Variants in TRABD observed in about 807,000 individuals in gnomAD.
The protein encoded by TRABD is TraB domain containing, also known as traB domain-containing protein.
TRABD carries 23 observed loss-of-function variants against 39.6 expected under a neutral mutation model. The ratio of observed to expected loss-of-function variants is 0.58; its 90% CI spans 0.42 to 0.82. TRABD has a LOEUF of 0.82. Ranked by LOEUF, TRABD falls within the 40% of genes least tolerant of loss-of-function variation. TRABD has a pLI of 0.00. For missense variants in TRABD, 487 were observed against 544.9 expected (o/e 0.89, Z 1.06); for synonymous variants, 243 against 232.1 (o/e 1.05, Z -0.43).
intron 7 of TRABD, 115 bp downstream of exon 7, chr22:50,197,703 T>C: frequency 6.4e-7 from 1 of 1,569,864 alleles, no homozygotes; most frequent in South Asian, 1.2e-5. Context: ...CCCTGCCCTT[T>C]CCTTCCGCCA....
At chr22:50,193,774 C>T (rs527264439) in intron 3 of TRABD, 120 bp downstream of exon 3, 8 of 966,586 alleles carry the variant, frequency 8.3e-6, no homozygotes, top group South Asian at 4.2e-5. Context: ...GGGCCCTGGC[C>T]GAGACCTGAG....
chr22:50,192,740 C>G (rs2063946251), intron 1 of TRABD, among the ~76,000 whole-genome samples: 1 of 13,202 alleles, frequency 7.6e-5, no homozygotes, highest in South Asian at 4.0e-3. Context: ...CAGCTCTGGC[C>G]CTGTTCTGAG....
chr22:50,191,353 GGACACCCA>G (rs1258676565), intron 1 of TRABD, among the ~76,000 whole-genome samples: 1 of 152,204 alleles, frequency 6.6e-6, no homozygotes, highest in Non-Finnish European at 1.5e-5. Context: ...TCACAGGTTA[GGACACCCA>G]AGCTTGGAGG....
chr22:50,194,944 C>T lies in TRABD; in HGVS notation c.324C>T (p.Cys108=). 1 of 1,612,988 alleles carries T rather than the reference C, an allele frequency of 6.2e-7. No homozygotes were observed. The highest frequency in any genetic ancestry group is 8.5e-7 in the Non-Finnish European group (1 of 1,179,908). Residue 108 remains cysteine, a synonymous_variant, in exon 5 of 10, where the codon TGC becomes TGT. Transcript: ENST00000380909. The part of the protein sequence containing the change: ...VQPDVVVVEL[C]QYRVSMLKMD... Reference sequence around the variant, plus strand: ...CTGACGTGGTGGTCGTGGAGCTCTGCCAATATCGTGTGTCCATGCTGAAGA... The same window carrying T: ...CTGACGTGGTGGTCGTGGAGCTCTGTCAATATCGTGTGTCCATGCTGAAGA...
chr22:50,193,848 A>AGC (rs1465019826), intron 3 of TRABD, among the ~76,000 whole-genome samples, 194 bp downstream of exon 3: 6 of 28,478 alleles, frequency 2.1e-4, no homozygotes, highest in African/African-American at 3.2e-4. Flanking sequence ...CTGGCAGTGG[A>AGC]GCCTCTTGGA....
intron 1 of TRABD, among the ~76,000 whole-genome samples, chr22:50,190,423 C>A (rs1430549519): frequency 2.0e-5 from 3 of 152,146 alleles, no homozygotes; most frequent in Non-Finnish European, 2.9e-5. Flanking sequence ...ACAGGCGTAC[C>A]CTAGGCCGGC....
intron 1 of TRABD, among the ~76,000 whole-genome samples, chr22:50,188,803 C>T (rs1402256021): frequency 6.6e-6 from 1 of 152,178 alleles, no homozygotes; most frequent in Non-Finnish European, 1.5e-5. Context: ...GGGACAGAAG[C>T]CCTGCGGGAC....
chr22:50,198,870 T>C lies in TRABD; in HGVS notation c.*351T>C. On this transcript the variant is annotated 3_prime_UTR_variant, in exon 10 of 10. Coordinates refer to ENST00000380909, the MANE Select transcript of TRABD (RefSeq NM_001320485.2). This position sits in a 1 kb window ranked among gnomAD's most constrained non-coding sequence, Gnocchi z 7.9. ...GTGGCAGGCGGGGGACAATGGCCAC[T>C]GTCCCTACCTCACTGTGCCTTCCTG... 1 of 545,268 alleles carries C rather than the reference T, an allele frequency of 1.8e-6. No homozygotes were observed. The highest frequency in any genetic ancestry group is 3.1e-5 in the East Asian group (1 of 32,190). The allele number at this position is 545,268 out of a possible 1,614,324, so 33.8% of individuals were successfully genotyped here.
chr22:50,198,541 G>T lies in TRABD; in HGVS notation c.*22G>T. 1 of 1,495,396 alleles carries T rather than the reference G, an allele frequency of 6.7e-7. No homozygotes were observed. Among genetic ancestry groups the T allele is most frequent in the Non-Finnish European group, 8.9e-7 (1 of 1,127,126 alleles). 92.6% of individuals were successfully genotyped at this position (1,495,396 alleles called of 1,614,324 possible). ...GTAGGAGACTGCTCCCCGCCCGCTC[G>T]GGCCCCTGAGGAGCCAGTGCCCCCG... On this transcript the variant is annotated 3_prime_UTR_variant, in exon 10 of 10. Coordinates refer to ENST00000380909, the MANE Select transcript of TRABD (RefSeq NM_001320485.2). This position sits in a 1 kb window ranked among gnomAD's most constrained non-coding sequence, Gnocchi z 7.9.
rs112280002 is a variant in TRABD at position 50,197,366 on chromosome 22, A to G, written c.531+15A>G. 0.013 allele frequency: 21,616 copies of G among 1,613,414 alleles called. 181 individuals carry two copies. The highest frequency in any genetic ancestry group is 0.016 in the Non-Finnish European group (19,144 of 1,179,732). On this transcript the variant is annotated intron_variant, in intron 6 of 9. Coordinates refer to ENST00000380909, the MANE Select transcript of TRABD (RefSeq NM_001320485.2). ...CCTTCAAGGAGGTGGGCACAGGGTG[A>G]GGTAGGGGGTGGCCACAGGGATGTG...
At chr22:50,194,540 G>A in intron 4 of TRABD, 34 bp downstream of exon 4, 1 of 1,560,158 alleles carries the variant, frequency 6.4e-7, no homozygotes, top group Non-Finnish European at 8.7e-7. Context: ...CCCGGACACG[G>A]GTTGGTGTAA....
chr22:50,193,332 CAG>C (rs1358039889), intron 2 of TRABD, among the ~76,000 whole-genome samples: 1 of 152,268 alleles, frequency 6.6e-6, no homozygotes, highest in East Asian at 1.9e-4. Context: ...GGGGTACTGA[CAG>C]TGTGGGGCCT....
At position 50,198,713 on chromosome 22, in the gene TRABD, C is replaced by T. The variant is rs1401066180; in HGVS notation, c.*194C>T. 5.1e-6 allele frequency: 3 copies of T among 590,248 alleles called. No individual in the cohort carries two copies. The highest frequency in any genetic ancestry group is 3.6e-5 in the Admixed American group (1 of 28,062). The allele number at this position is 590,248 out of a possible 1,614,324, so 36.6% of individuals were successfully genotyped here. On this transcript the variant is annotated 3_prime_UTR_variant, in exon 10 of 10. Transcript: ENST00000380909. The surrounding 1 kb of genome is among the most constrained non-coding windows in gnomAD (Gnocchi z 7.9). ...ATAAAGGATTATTTAACTGTCTGAG[C>T]TCAGGCCTCCCGGCAGCCCCTCCCC...
At position 50,198,545 on chromosome 22, in the gene TRABD, C is replaced by A. The variant is rs1347170613; in HGVS notation, c.*26C>A. 4 of 1,487,792 alleles carry A rather than the reference C, an allele frequency of 2.7e-6. No individual in the cohort carries two copies. The highest frequency in any genetic ancestry group is 3.6e-6 in the Non-Finnish European group (4 of 1,123,796). The allele number at this position is 1,487,792 out of a possible 1,614,324, so 92.2% of individuals were successfully genotyped here. Reference sequence around the variant, plus strand: ...GAGACTGCTCCCCGCCCGCTCGGGCCCCTGAGGAGCCAGTGCCCCCGCGGC... The same window carrying A: ...GAGACTGCTCCCCGCCCGCTCGGGCACCTGAGGAGCCAGTGCCCCCGCGGC... On this transcript the variant is annotated 3_prime_UTR_variant, in exon 10 of 10. Coordinates refer to ENST00000380909, the MANE Select transcript of TRABD (RefSeq NM_001320485.2). The surrounding 1 kb of genome is among the most constrained non-coding windows in gnomAD (Gnocchi z 7.9).
At chr22:50,190,610 G>C (rs1057302227) in intron 1 of TRABD, 1 of 152,334 alleles carries the variant, frequency 6.6e-6, no homozygotes, top group African/African-American at 2.4e-5. Flanking sequence ...GGTGTGCCTC[G>C]GCAGCCTTGC....
At chr22:50,186,063 A>C in intron 1 of TRABD, 87 bp downstream of exon 1, 1 of 69,482 alleles carries the variant, frequency 1.4e-5, no homozygotes, top group South Asian at 6.5e-4. Flanking sequence ...CCGCGGGGTG[A>C]CTGTGGGGGG....
In TRABD at chr22:50,199,173, T is replaced by C. The variant is rs2064238138; in HGVS notation, c.*654T>C. The C allele has an allele frequency of 8.4e-6, 6 of 716,816 alleles. No homozygotes were observed. The highest frequency in any genetic ancestry group is 5.3e-5 in the East Asian group (2 of 37,464). 44.4% of individuals were successfully genotyped at this position (716,816 alleles called of 1,614,324 possible). On this transcript the variant is annotated 3_prime_UTR_variant, in exon 10 of 10. Transcript: ENST00000380909. ...CAGCCTTAAATCCAAAGGGAGAGAA[T>C]TCGTGTTCTTGGGTCTGTCCCGAGT... is the stretch of plus-strand genomic sequence containing the variant.
intron 1 of TRABD, chr22:50,192,450 A>G (rs954957191): frequency 6.6e-6 from 1 of 152,322 alleles, no homozygotes; most frequent in Non-Finnish European, 1.5e-5. Context: ...CCGGGTTTCT[A>G]CCGTGGTTCC....
At chr22:50,189,084 G>A (rs776821747) in intron 1 of TRABD, among the ~76,000 whole-genome samples, 7 of 152,350 alleles carry the variant, frequency 4.6e-5, no homozygotes, top group Non-Finnish European at 8.8e-5. Flanking sequence ...CTGAAATCGG[G>A]CTGCTAAGTC....
Sources: allele counts gnomAD v4.1 joint callset (sites outside exome capture counted in the v4.1 genomes callset), GRCh38; gene constraint gnomAD v4.1.1; non-coding constraint Gnocchi (gnomAD v3.1); transcripts MANE v1.5; gene names NCBI Gene and HGNC (gene_info 2026-07-23, HGNC 2026-07-21).